The following RAB3IL1 variants were observed in gnomAD, a reference collection of about 807,000 sequenced individuals.
RAB3IL1 encodes the protein guanine nucleotide exchange factor for Rab-3A.
A neutral mutation model predicts 49.2 loss-of-function variants in RAB3IL1; 37 were observed. The observed-to-expected ratio is 0.75, with a 90% CI of 0.58 to 0.99. The LOEUF is 0.99. RAB3IL1 is among the 50% of genes least tolerant of loss of function. RAB3IL1 has a pLI of 0.00. For synonymous variants in RAB3IL1, 193 were observed against 213.9 expected (o/e 0.90, Z 0.85); for missense variants, 484 against 513.0 (o/e 0.94, Z 0.55).
chr11:61,907,036 G>A (rs1241241456), intron 4 of RAB3IL1, among the ~76,000 whole-genome samples: 1 of 152,256 alleles, frequency 6.6e-6, no homozygotes, highest in Non-Finnish European at 1.5e-5. Context: ...CAGGCTTGGA[G>A]AGAGGAAGCG....
chr11:61,927,213 C>G, the RAB3IL1 span, among the ~76,000 whole-genome samples: 1 of 152,124 alleles, frequency 6.6e-6, no homozygotes, highest in African/African-American at 2.4e-5. Flanking sequence ...CACCACTTGA[C>G]ATGCATGCCC....
intron 1 of RAB3IL1, among the ~76,000 whole-genome samples, chr11:61,913,550 C>CG (rs1939553942): frequency 6.6e-6 from 1 of 152,182 alleles, no homozygotes; most frequent in Non-Finnish European, 1.5e-5. Flanking sequence ...CCACCCCTGG[C>CG]GGGGGAATCC....
At chr11:61,913,520 G>A (rs1253669844) in intron 1 of RAB3IL1, among the ~76,000 whole-genome samples, 1 of 152,170 alleles carries the variant, frequency 6.6e-6, no homozygotes, top group Non-Finnish European at 1.5e-5. Flanking sequence ...CATAGCCCCA[G>A]GCCACCAGGC....
intron 8 of RAB3IL1, among the ~76,000 whole-genome samples, chr11:61,901,088 G>T (rs114927829): frequency 6.6e-6 from 1 of 152,084 alleles, no homozygotes; most frequent in Non-Finnish European, 1.5e-5. Context: ...ACTCACGCTC[G>T]GATGCCTTGT....
intron 1 of RAB3IL1, among the ~76,000 whole-genome samples, chr11:61,909,795 C>T (rs750070421): frequency 1.3e-5 from 2 of 152,232 alleles, no homozygotes; most frequent in African/African-American, 2.4e-5. Context: ...TCTCTGACCA[C>T]GCTGTCTCCT....
rs746873051 is a variant in RAB3IL1, at chr11:61,906,503, G to A, written c.620C>T (p.Ala207Val). ...TCTGTCTGGGGTGAGGGTGTGTCCCGCAGCGGGACACACGGCGGGGCAGAG... is the reference window on the plus strand; with the variant it reads ...TCTGTCTGGGGTGAGGGTGTGTCCCACAGCGGGACACACGGCGGGGCAGAG... ...STLCPAVCPA[A>V]GHTLTPDREG... The change falls in exon 5 of 10, where the codon GCG (alanine) becomes GTG (valine). Residue 207 changes from alanine (A) to valine (V), a missense_variant. Coordinates refer to ENST00000394836, the MANE Select transcript of RAB3IL1 (RefSeq NM_013401.4). The surrounding 1 kb of genome is among the most constrained non-coding windows in gnomAD (Gnocchi z 4.6). 47 of 1,549,114 alleles carry A rather than the reference G, an allele frequency of 3.0e-5. No homozygotes were observed. Among genetic ancestry groups the A allele is most frequent in the East Asian group, 1.7e-4 (7 of 41,412 alleles).
upstream of RAB3IL1, among the ~76,000 whole-genome samples, chr11:61,925,155 A>G (rs547082834): frequency 2.6e-5 from 4 of 152,200 alleles, no homozygotes; most frequent in Non-Finnish European, 5.9e-5. Context: ...AAGATGAGGA[A>G]ACAGATTTGG....
At chr11:61,917,277 G>A in intron 1 of RAB3IL1, 80 bp downstream of exon 1, 1 of 1,345,410 alleles carries the variant, frequency 7.4e-7, no homozygotes, top group Non-Finnish European at 9.5e-7. Flanking sequence ...AGACCCGGCG[G>A]GGACCCCCGA....
In RAB3IL1 at chr11:61,908,084, G is replaced by A. The variant is rs139765248; in HGVS notation, c.234C>T (p.Phe78=). The change falls in exon 2 of 10, where the codon TTC becomes TTT. Residue 78 remains phenylalanine (F), a synonymous_variant. Coordinates refer to ENST00000394836, the MANE Select transcript of RAB3IL1 (RefSeq NM_013401.4). ...GCGCTCTGTGCAGCTCCTCCTTCAG[G>A]AACTCGGAGCCCTTCTCTCGGATCT... ...SMEIREKGSE[F]LKEELHRAQK... The A allele has an allele frequency of 4.0e-4, 649 of 1,611,270 alleles. 1 individual carries two copies. Among genetic ancestry groups the A allele is most frequent in the Middle Eastern group, 1.8e-3 (11 of 6,058 alleles).
chr11:61,915,770 G>T (rs990177937), intron 1 of RAB3IL1, among the ~76,000 whole-genome samples: 3 of 152,166 alleles, frequency 2.0e-5, no homozygotes, highest in Non-Finnish European at 4.4e-5. Flanking sequence ...GGGTGCAGTG[G>T]CTCACACCTG....
upstream of RAB3IL1, among the ~76,000 whole-genome samples, chr11:61,918,763 T>C (rs1939816733): frequency 6.6e-6 from 1 of 152,228 alleles, no homozygotes; most frequent in Non-Finnish European, 1.5e-5. Flanking sequence ...GGCTGGATTC[T>C]ATGCCTTGCT....
At chr11:61,945,874 T>C in the RAB3IL1 span, 1 of 915,944 alleles carries the variant, frequency 1.1e-6, no homozygotes, top group Non-Finnish European at 1.3e-6. Context: ...TATTCCATGC[T>C]ATTCCGTTGT....
At position 61,913,637 on chromosome 11, in the gene RAB3IL1, C is replaced by T. The variant is rs1365126439; in HGVS notation, c.11+3720G>A. Among the ~76,000 whole-genome samples, 3 of 152,170 alleles carry T rather than the reference C, an allele frequency of 2.0e-5. No homozygotes were observed. The East Asian group carries it at 5.8e-4, about 29-fold the overall frequency. ...CACTACTCTTCTACAGGGCTGGGCA[C>T]GCAGTACATCCTCAAATGCGCCTGT... On this transcript the variant is annotated intron_variant, in intron 1 of 9. Transcript: ENST00000394836.
chr11:61,904,254 G>A (rs890550051), intron 7 of RAB3IL1, among the ~76,000 whole-genome samples: 12 of 152,050 alleles, frequency 7.9e-5, no homozygotes, highest in Non-Finnish European at 1.0e-4. Flanking sequence ...GGGCTACTGC[G>A]TCGTTATTTA....
At chr11:61,910,550 A>G (rs1294016630) in intron 1 of RAB3IL1, among the ~76,000 whole-genome samples, 3 of 152,226 alleles carry the variant, frequency 2.0e-5, no homozygotes, top group Non-Finnish European at 2.9e-5. Flanking sequence ...GAAATCCTGC[A>G]GGAGGTGCTC....
chr11:61,942,127 C>A, the RAB3IL1 span, among the ~76,000 whole-genome samples: 1 of 152,122 alleles, frequency 6.6e-6, no homozygotes, highest in Non-Finnish European at 1.5e-5. Flanking sequence ...AGGAGAATCG[C>A]TTGAAACCAG....
chr11:61,941,766 A>G, the RAB3IL1 span, among the ~76,000 whole-genome samples: 3 of 152,220 alleles, frequency 2.0e-5, no homozygotes, highest in South Asian at 6.2e-4. Context: ...AAAAGAAGGA[A>G]TATACGGACC....
the RAB3IL1 span, among the ~76,000 whole-genome samples, chr11:61,937,370 G>C: frequency 6.6e-6 from 1 of 152,044 alleles, no homozygotes; most frequent in African/African-American, 2.4e-5. Flanking sequence ...GCAGTGTTGC[G>C]ATTATGGCTC....
intron 7 of RAB3IL1, among the ~76,000 whole-genome samples, chr11:61,903,442 C>A (rs965175946): frequency 5.3e-5 from 8 of 152,110 alleles, no homozygotes; most frequent in Non-Finnish European, 1.5e-5. Context: ...TGGCTGCGGA[C>A]TTATCAGAGC....
Sources: allele counts gnomAD v4.1 joint callset (sites outside exome capture counted in the v4.1 genomes callset), GRCh38; gene constraint gnomAD v4.1.1; non-coding constraint Gnocchi (gnomAD v3.1); transcripts MANE v1.5; gene names NCBI Gene and HGNC (gene_info 2026-07-23, HGNC 2026-07-21).